The following ASTN2 variants were observed in gnomAD, a reference collection of about 807,000 sequenced individuals.
ASTN2 encodes astrotactin-2.
A neutral mutation model predicts 139.8 loss-of-function variants in ASTN2; 54 were observed. The ratio of observed to expected loss-of-function variants is 0.39; its 90% CI spans 0.31 to 0.48. The LOEUF is 0.48. ASTN2 is among the 20% of genes least tolerant of loss of function. The pLI is 0.95. For missense variants in ASTN2, 1,565 were observed against 1,725.1 expected, an observed-to-expected ratio of 0.91 and a Z score of 1.64; for synonymous variants, 756 against 719.5, an observed-to-expected ratio of 1.05 and a Z score of -0.81.
intron 17 of ASTN2, among the ~76,000 whole-genome samples, chr9:116,638,166 T>G (rs543206340): frequency 6.6e-6 from 1 of 152,026 alleles, no homozygotes; most frequent in Non-Finnish European, 1.5e-5. Flanking sequence ...AACAATGAAA[T>G]GTAGAGAAGG....
At chr9:116,463,629 T>C (rs1455381079) in intron 20 of ASTN2, among the ~76,000 whole-genome samples, 2 of 152,144 alleles carry the variant, frequency 1.3e-5, no homozygotes, top group African/African-American at 2.4e-5. Context: ...TCTCTGACAG[T>C]TGAATTAAAC....
intron 2 of ASTN2, among the ~76,000 whole-genome samples, chr9:117,276,484 A>T (rs1834192432): frequency 6.6e-6 from 1 of 152,166 alleles, no homozygotes; most frequent in Non-Finnish European, 1.5e-5. Context: ...ACACCATCTA[A>T]ACAAAGCCTC....
chr9:117,115,716 G>T (rs1178415280), intron 4 of ASTN2, among the ~76,000 whole-genome samples: 3 of 151,652 alleles, frequency 2.0e-5, no homozygotes, highest in Admixed American at 6.6e-5. Flanking sequence ...TAGGCTAGGG[G>T]TATAACTGTC....
At chr9:117,329,173 C>T (rs915155826) in intron 1 of ASTN2, among the ~76,000 whole-genome samples, 4 of 145,372 alleles carry the variant, frequency 2.8e-5, no homozygotes, top group Admixed American at 2.1e-4. Context: ...TACTGCACTT[C>T]CAAGTTCTTT....
chr9:116,925,942 C>A (rs1225977266), intron 10 of ASTN2, among the ~76,000 whole-genome samples: 1 of 151,810 alleles, frequency 6.6e-6, no homozygotes, highest in Non-Finnish European at 1.5e-5. Flanking sequence ...TCAAAAACAT[C>A]CAGTGTTCCT....
At chr9:117,176,483 A>G (rs998637661) in intron 3 of ASTN2, among the ~76,000 whole-genome samples, 1 of 152,228 alleles carries the variant, frequency 6.6e-6, no homozygotes, top group Non-Finnish European at 1.5e-5. Context: ...TGGTTAGAAT[A>G]TATGTAATTA....
intron 12 of ASTN2, among the ~76,000 whole-genome samples, chr9:116,817,492 A>G (rs1195395936): frequency 6.6e-6 from 1 of 152,102 alleles, no homozygotes; most frequent in Non-Finnish European, 1.5e-5. Context: ...AAGAGACAGG[A>G]GACAGAGGGA....
Position 116,565,385 on chromosome 9 carries a change from CTCCATATA to C in ASTN2, c.3355+52931_3355+52938del, listed in dbSNP as rs1401176391. ...TCTCTCTCTCTCTCTCTCTCTCTCT[CTCCATATA>C]TATATATATATATATATATATATAT... On this transcript the variant is annotated intron_variant, in intron 19 of 22. Coordinates refer to ENST00000313400, the MANE Select transcript of ASTN2 (RefSeq NM_001365068.1). 7.1e-3 allele frequency among the ~76,000 whole-genome samples: 217 copies of C among 30,700 alleles called. 6 individuals are homozygous for C. Among genetic ancestry groups the C allele is most frequent in the Admixed American group, 0.021 (39 of 1,884 alleles). 20.1% of individuals were successfully genotyped at this position (30,700 alleles called of 152,430 possible).
intron 13 of ASTN2, among the ~76,000 whole-genome samples, chr9:116,755,264 T>C (rs1190508394): frequency 6.6e-6 from 1 of 152,108 alleles, no homozygotes; most frequent in Non-Finnish European, 1.5e-5. Flanking sequence ...CCCCCTCCCC[T>C]GCAAAAAGAA....
intron 13 of ASTN2, among the ~76,000 whole-genome samples, chr9:116,782,471 C>T (rs1364569607): frequency 6.6e-6 from 1 of 152,166 alleles, no homozygotes; most frequent in Non-Finnish European, 1.5e-5. Context: ...ACAGGTCCCC[C>T]TGGCCCAACC....
At chr9:117,302,576 C>G (rs11791873) in intron 1 of ASTN2, among the ~76,000 whole-genome samples, 46,819 of 152,044 alleles carry the variant, frequency 0.31, 8,417 homozygotes, top group East Asian at 0.52. Context: ...TCTTAAGTCT[C>G]TGTTTCTAAG....
At chr9:116,581,041 G>A (rs1853928687) in intron 19 of ASTN2, among the ~76,000 whole-genome samples, 8 of 152,128 alleles carry the variant, frequency 5.3e-5, no homozygotes, top group Admixed American at 5.2e-4. Context: ...CCCTGGGGAT[G>A]GGGGTGGGGA....
chr9:116,484,560 G>A (rs1446985572), intron 20 of ASTN2, among the ~76,000 whole-genome samples: 1 of 152,166 alleles, frequency 6.6e-6, no homozygotes, highest in African/African-American at 2.4e-5. Context: ...ACTCCAGACC[G>A]AGCTGGTCAG....
intron 1 of ASTN2, among the ~76,000 whole-genome samples, chr9:117,384,630 A>G (rs1241059246): frequency 1.3e-5 from 2 of 152,206 alleles, no homozygotes; most frequent in Non-Finnish European, 2.9e-5. Flanking sequence ...TGGCTTCCAC[A>G]TGATACACTG....
rs148902327 is a variant in ASTN2 at position 117,291,375 on chromosome 9, G to T, written c.581C>A (p.Pro194His). 2 of 1,614,186 alleles carry T rather than the reference G, an allele frequency of 1.2e-6. No individual in the cohort carries two copies. Among genetic ancestry groups the T allele is most frequent in the Non-Finnish European group, 1.7e-6 (2 of 1,180,022 alleles). The change falls in exon 2 of 23, where the codon CCC (proline) becomes CAC (histidine). Residue 194 changes from proline (P) to histidine (H), a missense_variant. This residue lies in a region of ASTN2 where 596 missense variants were observed against 576.8 expected (regional missense o/e 1.03). Coordinates refer to ENST00000313400, the MANE Select transcript of ASTN2 (RefSeq NM_001365068.1). ...CATCTGCTCCTCAACAATCTCCGAG[G>T]GCTCCTGGAGAGTGGGGGCGGTGGC... is the stretch of plus-strand genomic sequence containing the variant. ...AQATAPTLQEPSEIVEEQMHI... is the reference protein window; with the variant it reads ...AQATAPTLQEHSEIVEEQMHI...
At chr9:116,455,993 A>G (rs1848321593) in intron 20 of ASTN2, among the ~76,000 whole-genome samples, 1 of 152,160 alleles carries the variant, frequency 6.6e-6, no homozygotes, top group Non-Finnish European at 1.5e-5. Flanking sequence ...CTGTTACTCA[A>G]CATAGTACTA....
At chr9:116,778,665 G>T (rs1255365396) in intron 13 of ASTN2, among the ~76,000 whole-genome samples, 1 of 152,134 alleles carries the variant, frequency 6.6e-6, no homozygotes, top group Non-Finnish European at 1.5e-5. Flanking sequence ...GGAACCCAGT[G>T]CACCCATCCT....
chr9:117,205,101 C>T (rs1831872137), intron 3 of ASTN2, among the ~76,000 whole-genome samples: 1 of 152,136 alleles, frequency 6.6e-6, no homozygotes, highest in Non-Finnish European at 1.5e-5. Context: ...TGATAAATAA[C>T]ATTTGAGAAG....
At chr9:117,364,362 G>T (rs1416558132) in intron 1 of ASTN2, among the ~76,000 whole-genome samples, 2 of 152,142 alleles carry the variant, frequency 1.3e-5, no homozygotes, top group East Asian at 3.9e-4. Context: ...GCTACATTTT[G>T]CCAACCTCTG....
Sources: allele counts gnomAD v4.1 joint callset (sites outside exome capture counted in the v4.1 genomes callset), GRCh38; gene constraint gnomAD v4.1.1; regional missense constraint gnomAD v4.1.1; transcripts MANE v1.5; gene names NCBI Gene and HGNC (gene_info 2026-07-23, HGNC 2026-07-21).